FAM193A: variants seen among roughly 807,000 people sequenced by gnomAD.
FAM193A encodes family with sequence similarity 193 member A.
A neutral mutation model predicts 126.5 loss-of-function variants in FAM193A; 22 were observed. That is an observed-to-expected ratio of 0.17 (90% CI 0.12 to 0.25). FAM193A has a LOEUF of 0.25. Among genes scored for constraint, FAM193A ranks in the 10% least tolerant of loss-of-function variants. The pLI, the probability that FAM193A is intolerant of heterozygous loss-of-function variation, is 1.00. For missense variants in FAM193A, 1,675 were observed against 1,672.8 expected (o/e 1.00, Z -0.02); for synonymous variants, 761 against 646.8 (o/e 1.18, Z -2.68).
In FAM193A at chr4:2,536,678, C is replaced by G. The variant is rs983381213; in HGVS notation, c.-238C>G. On this transcript the variant is annotated 5_prime_UTR_variant, in exon 1 of 21. Transcript: ENST00000637812. ...TTCCCCTTGTGTCCGCCATATTGGA[C>G]TCTAACTCTGGTCAGCCGCGGCGCC... 2.7e-5 allele frequency: 4 copies of G among 148,888 alleles called. No individual in the cohort carries two copies. The highest frequency in any genetic ancestry group is 9.8e-5 in the African/African-American group (4 of 40,642). The allele number at this position is 148,888 out of a possible 1,614,324, so 9.2% of individuals were successfully genotyped here.
At chr4:2,692,847 G>A (rs1388892007) in intron 15 of FAM193A, among the ~76,000 whole-genome samples, 3 of 83,032 alleles carry the variant, frequency 3.6e-5, no homozygotes, top group East Asian at 4.1e-4. Flanking sequence ...GTCAAAAAAA[G>A]AGAGAGGGAG....
At chr4:2,603,663 G>A (rs1357915921) in intron 2 of FAM193A, among the ~76,000 whole-genome samples, 6 of 151,600 alleles carry the variant, frequency 4.0e-5, no homozygotes, top group Non-Finnish European at 1.5e-5. Context: ...GTTTCACCAT[G>A]TTAGCCAGGA....
At chr4:2,561,961 C>A (rs959402925) in intron 1 of FAM193A, among the ~76,000 whole-genome samples, 2 of 152,072 alleles carry the variant, frequency 1.3e-5, no homozygotes, top group South Asian at 4.1e-4. Flanking sequence ...CAAAATAGTG[C>A]TTAGGTATTA....
At chr4:2,657,933 A>T in intron 8 of FAM193A, 53 bp downstream of exon 8, 1 of 1,210,934 alleles carries the variant, frequency 8.3e-7, no homozygotes. Flanking sequence ...CTGTCCTGAC[A>T]GCAAATGACT....
At chr4:2,731,663 C>G (rs1005573266) in intron 20 of FAM193A, 112 bp from the exon 21 acceptor site, 6 of 797,220 alleles carry the variant, frequency 7.5e-6, no homozygotes, top group African/African-American at 6.7e-5. Context: ...ATCTAAACCC[C>G]TGACCCCGCA....
chr4:2,535,584 CGGGTCTCAG>C (rs1330436734), upstream of FAM193A, among the ~76,000 whole-genome samples: 1 of 152,218 alleles, frequency 6.6e-6, no homozygotes, highest in African/African-American at 2.4e-5. Context: ...CCCCGTGGCC[CGGGTCTCAG>C]GGCAGAGCTC....
intron 7 of FAM193A, among the ~76,000 whole-genome samples, chr4:2,656,348 T>C (rs748144382): frequency 2.0e-5 from 3 of 152,214 alleles, no homozygotes; most frequent in Non-Finnish European, 2.9e-5. Flanking sequence ...TTATATGACA[T>C]TTATTAGTGT....
intron 1 of FAM193A, among the ~76,000 whole-genome samples, chr4:2,590,902 C>T (rs1740533690): frequency 6.6e-6 from 1 of 151,878 alleles, no homozygotes; most frequent in Admixed American, 6.6e-5. Flanking sequence ...TGGCGCGCGC[C>T]TGTAATCCCA....
intron 1 of FAM193A, among the ~76,000 whole-genome samples, chr4:2,573,535 G>A (rs1053624228): frequency 3.3e-5 from 5 of 150,758 alleles, no homozygotes; most frequent in African/African-American, 9.8e-5. Flanking sequence ...AAAAAGGTCC[G>A]TGTGTGGATG....
At chr4:2,580,151 A>G (rs1020786991) in intron 1 of FAM193A, among the ~76,000 whole-genome samples, 4 of 152,208 alleles carry the variant, frequency 2.6e-5, no homozygotes, top group South Asian at 4.1e-4. Flanking sequence ...GCTAGAGGCC[A>G]TTATCCTTAG....
chr4:2,570,867 A>G (rs1739252723), intron 1 of FAM193A, among the ~76,000 whole-genome samples: 1 of 152,200 alleles, frequency 6.6e-6, no homozygotes, highest in African/African-American at 2.4e-5. Context: ...TCAGGTGGTC[A>G]TGTATCCTGG....
intron 2 of FAM193A, among the ~76,000 whole-genome samples, chr4:2,612,097 A>C (rs886703223): frequency 2.0e-5 from 3 of 151,562 alleles, no homozygotes; most frequent in Non-Finnish European, 1.5e-5. Context: ...CGGCCTCCCA[A>C]AGTGCTGGGA....
intron 1 of FAM193A, among the ~76,000 whole-genome samples, chr4:2,564,325 C>A (rs1480310288): frequency 6.6e-6 from 1 of 152,028 alleles, no homozygotes; most frequent in African/African-American, 2.4e-5. Flanking sequence ...TCGAGTAATT[C>A]TCCTGCCTTG....
intron 2 of FAM193A, among the ~76,000 whole-genome samples, chr4:2,624,344 G>C (rs554262403): frequency 6.6e-6 from 1 of 152,304 alleles, no homozygotes; most frequent in African/African-American, 2.4e-5. Context: ...GGATTTCACC[G>C]TGTGGGTCAG....
At chr4:2,701,575 A>G (rs765709299) in intron 19 of FAM193A, among the ~76,000 whole-genome samples, 1 of 152,134 alleles carries the variant, frequency 6.6e-6, no homozygotes, top group Non-Finnish European at 1.5e-5. Flanking sequence ...TGTCTGTCCC[A>G]TCACTGGGGA....
intron 12 of FAM193A, among the ~76,000 whole-genome samples, chr4:2,669,930 G>A (rs1713596308): frequency 6.6e-6 from 1 of 152,200 alleles, no homozygotes; most frequent in African/African-American, 2.4e-5. Context: ...GCAGCTCTCA[G>A]TATCTCTTTG....
rs1242298949 is a variant in FAM193A, at chr4:2,596,073, T to C, written c.256-11T>C. On this transcript the variant is annotated splice_polypyrimidine_tract_variant and intron_variant, in intron 1 of 20. Transcript: ENST00000637812. The stretch of plus-strand genomic sequence containing the variant: ...AGGTTTTGAAAATAGAATTTTTTTT[T>C]TCTATTCCAGACTCCTTTTAGTTTT... The C allele has an allele frequency of 1.5e-6, 1 of 682,978 alleles. No individual in the cohort carries two copies. Among genetic ancestry groups the C allele is most frequent in the Admixed American group, 2.2e-5 (1 of 46,184 alleles). 42.3% of individuals were successfully genotyped at this position (682,978 alleles called of 1,614,324 possible).
intron 7 of FAM193A, among the ~76,000 whole-genome samples, chr4:2,657,280 G>A (rs558781776): frequency 3.3e-5 from 5 of 151,958 alleles, no homozygotes; most frequent in Non-Finnish European, 5.9e-5. Context: ...TTACAGAACC[G>A]ACTTTCGGTT....
At chr4:2,696,253 C>A in intron 17 of FAM193A, 110 bp from the exon 18 acceptor site, 1 of 712,942 alleles carries the variant, frequency 1.4e-6, no homozygotes, top group Non-Finnish European at 2.3e-6. Flanking sequence ...TTTTTCACAA[C>A]AAATATATAC....
Sources: gnomAD v4.1 joint callset for allele counts (sites outside exome capture counted in the v4.1 genomes callset) on GRCh38, gnomAD v4.1.1 for gene constraint, MANE v1.5 for transcripts, NCBI Gene and HGNC (gene_info 2026-07-23, HGNC 2026-07-21) for gene names.